DES: variants seen among roughly 807,000 people sequenced by gnomAD.
DES encodes cardiomyopathy, dilated 1F (autosomal dominant).
A neutral mutation model predicts 55.1 loss-of-function variants in DES; 34 were observed. The observed-to-expected ratio is 0.62, with a 90% CI of 0.47 to 0.82. The LOEUF (loss-of-function observed/expected upper bound fraction) is 0.82. Among genes scored for constraint, DES ranks in the 40% least tolerant of loss-of-function variants. The pLI, the probability that DES is intolerant of heterozygous loss-of-function variation, is 0.00. For synonymous variants in DES, 259 were observed against 270.8 expected, an observed-to-expected ratio of 0.96 and a Z score of 0.43; for missense variants, 596 against 645.9, an observed-to-expected ratio of 0.92 and a Z score of 0.84.
intron 6 of DES, among the ~76,000 whole-genome samples, chr2:219,422,623 C>G (rs1405310866): frequency 2.0e-5 from 3 of 152,016 alleles, no homozygotes; most frequent in Non-Finnish European, 4.4e-5. Context: ...TGCCAACACA[C>G]TCAGCTGATT....
chr2:219,425,236 A>G (rs1239940348), intron 7 of DES: 1 of 238,520 alleles, frequency 4.2e-6, no homozygotes, highest in Non-Finnish European at 8.4e-6. Context: ...AAGGTCCTCT[A>G]AAGAGTGTCT....
rs560055588 is a variant in DES, at chr2:219,426,188, G to A, written c.*198G>A. ...CCTGCCTGGTCACAGGGCATGCCCC[G>A]GCCACCTCTGCGGACCCCAGCTGTG... is the stretch of plus-strand genomic sequence containing the variant. On this transcript the variant is annotated 3_prime_UTR_variant, in exon 9 of 9. Transcript: ENST00000373960. The surrounding 1 kb of genome is among the most constrained non-coding windows in gnomAD (Gnocchi z 4.5). 416 of 695,184 alleles carry A rather than the reference G, an allele frequency of 6.0e-4. 5 individuals are homozygous for A. In the Middle Eastern group the frequency reaches 6.4e-3, roughly 11 times the overall value. The allele number at this position is 695,184 out of a possible 1,614,324, so 43.1% of individuals were successfully genotyped here.
rs751325263 is a variant in DES at position 219,425,697 on chromosome 2, T to C, written c.1323T>C (p.His441=). Residue 441 remains histidine (H), a synonymous_variant, in exon 8 of 9, where the codon CAT becomes CAC. Transcript: ENST00000373960. ...TSPEQRGSEV[H]TKKTVMIKTI... is the part of the protein sequence containing the mutation. ...CTGAGCAAAGGGGTTCTGAGGTCCA[T>C]ACCAAGAAGACGGTGATGATCAAGA... The C allele has an allele frequency of 1.3e-6, 2 of 1,595,412 alleles. No individual in the cohort carries two copies. Among genetic ancestry groups the C allele is most frequent in the South Asian group, 2.3e-5 (2 of 87,276 alleles).
chr2:219,426,071 G>A lies in DES; in HGVS notation c.*81G>A. The A allele has an allele frequency of 6.6e-7, 1 of 1,513,446 alleles. No homozygotes were observed. Among genetic ancestry groups the A allele is most frequent in the Non-Finnish European group, 9.1e-7 (1 of 1,095,610 alleles). 93.8% of individuals were successfully genotyped at this position (1,513,446 alleles called of 1,614,324 possible). A position where few individuals can be genotyped will look rare whatever the true frequency, so the allele number is the denominator to read the frequency against. ...TGAAGCCAGCCTTCTTCCATCCCAG[G>A]ACACCACACCCAGCCTCAGTCCTCC... On this transcript the variant is annotated 3_prime_UTR_variant, in exon 9 of 9. Coordinates refer to ENST00000373960, the MANE Select transcript of DES (RefSeq NM_001927.4). This position sits in a 1 kb window ranked among gnomAD's most constrained non-coding sequence, Gnocchi z 4.5.
chr2:219,424,048 T>G (rs1378419603), intron 7 of DES, among the ~76,000 whole-genome samples: 1 of 152,204 alleles, frequency 6.6e-6, no homozygotes, highest in Non-Finnish European at 1.5e-5. Flanking sequence ...TTGTATTGTA[T>G]TTACCATGTC....
Position 219,419,174 on chromosome 2 carries a change from G to A in DES, c.578+134G>A. The stretch of plus-strand genomic sequence containing the variant: ...CCCTCTCCTGCCCCATGTGGAGAAA[G>A]GGTCCTCCACCTGTGTGTTTCAAGG... On this transcript the variant is annotated intron_variant, in intron 1 of 8. Transcript: ENST00000373960. This position sits in a 1 kb window ranked among gnomAD's most constrained non-coding sequence, Gnocchi z 4.3. 1 of 1,487,694 alleles carries A rather than the reference G, an allele frequency of 6.7e-7. No homozygotes were observed. Among genetic ancestry groups the A allele is most frequent in the South Asian group, 1.3e-5 (1 of 79,756 alleles). The allele number at this position is 1,487,694 out of a possible 1,614,324, so 92.2% of individuals were successfully genotyped here.
chr2:219,425,339 A>C, intron 7 of DES: 4 of 381,872 alleles, frequency 1.0e-5, no homozygotes, highest in Admixed American at 3.7e-5. Context: ...GTGGAGAGGA[A>C]CTAGGAGGGA....
intron 7 of DES, chr2:219,425,455 T>C (rs1575016699): frequency 1.7e-6 from 1 of 593,804 alleles, no homozygotes; most frequent in South Asian, 1.9e-5. Flanking sequence ...ATCTAAACTA[T>C]GGGACAGGCG....
chr2:219,426,108 C>A lies in DES; in HGVS notation c.*118C>A. The A allele has an allele frequency of 8.6e-7, 1 of 1,164,756 alleles. No individual in the cohort carries two copies. Among genetic ancestry groups the A allele is most frequent in the Non-Finnish European group, 1.3e-6 (1 of 797,154 alleles). 72.2% of individuals were successfully genotyped at this position (1,164,756 alleles called of 1,614,324 possible). ...AGCCTCAGTCCTCCCCTCACAGCCT[C>A]TGACCCCTCCTCACTGGCCATCCCT... On this transcript the variant is annotated 3_prime_UTR_variant, in exon 9 of 9. Coordinates refer to ENST00000373960, the MANE Select transcript of DES (RefSeq NM_001927.4). This position sits in a 1 kb window ranked among gnomAD's most constrained non-coding sequence, Gnocchi z 4.5.
intron 6 of DES, among the ~76,000 whole-genome samples, chr2:219,423,166 A>T (rs977573032): frequency 6.6e-6 from 1 of 152,182 alleles, no homozygotes. Context: ...ACTAGTACCA[A>T]CTTCAGTGCC....
At position 219,418,844 on chromosome 2, in the gene DES, T is replaced by C; in HGVS notation, c.382T>C (p.Phe128Leu). The C allele has an allele frequency of 6.3e-7, 1 of 1,582,912 alleles. No homozygotes were observed. Among genetic ancestry groups the C allele is most frequent in the Non-Finnish European group, 8.6e-7 (1 of 1,164,522 alleles). ...CGCCAACTACATCGAGAAGGTGCGC[T>C]TCCTGGAGCAGCAGAACGCGGCGCT... Reference protein sequence around the residue: ...RFANYIEKVRFLEQQNAALAA... With the variant: ...RFANYIEKVRLLEQQNAALAA... The change falls in exon 1 of 9, where the codon TTC becomes CTC. Residue 128 changes from phenylalanine (F) to leucine (L), a missense_variant. Physicochemically the swap from Phe to Leu is conservative, Grantham distance 22 (BLOSUM62 0). Coordinates refer to ENST00000373960, the MANE Select transcript of DES (RefSeq NM_001927.4).
Position 219,419,970 on chromosome 2 carries a change from C to G in DES, c.579-125C>G. ...CCTCTCCACTCCCTGTCTCTCCTGCCTCTACCCAGCAGCCAGGCCCTCCCG... is the reference window on the plus strand; with the variant it reads ...CCTCTCCACTCCCTGTCTCTCCTGCGTCTACCCAGCAGCCAGGCCCTCCCG... On this transcript the variant is annotated intron_variant, in intron 1 of 8. Transcript: ENST00000373960. This position sits in a 1 kb window ranked among gnomAD's most constrained non-coding sequence, Gnocchi z 4.3. 1 of 1,006,894 alleles carries G rather than the reference C, an allele frequency of 9.9e-7. No individual in the cohort carries two copies. The highest frequency in any genetic ancestry group is 1.3e-5 in the South Asian group (1 of 75,194). 62.4% of individuals were successfully genotyped at this position (1,006,894 alleles called of 1,614,324 possible). A position where few individuals can be genotyped will look rare whatever the true frequency, so the allele number is the denominator to read the frequency against.
rs1047011845 is a variant in DES, at chr2:219,419,565, C to CT, written c.579-525dup. On this transcript the variant is annotated intron_variant, in intron 1 of 8. Coordinates refer to ENST00000373960, the MANE Select transcript of DES (RefSeq NM_001927.4). The surrounding 1 kb of genome is among the most constrained non-coding windows in gnomAD (Gnocchi z 4.3). ...CCCTGGGGCCTTGCCGAGACTGTGT[C>CT]TTTTTACAAGGTGAATGGACAGGCT... 6.6e-6 allele frequency among the ~76,000 whole-genome samples: 1 copy of CT among 152,108 alleles called. No homozygotes were observed. Among genetic ancestry groups the CT allele is most frequent in the African/African-American group, 2.4e-5 (1 of 41,434 alleles).
chr2:219,421,920 C>A (rs955212672), intron 6 of DES, among the ~76,000 whole-genome samples: 2 of 152,170 alleles, frequency 1.3e-5, no homozygotes, highest in African/African-American at 4.8e-5. Context: ...CCTACCTCAG[C>A]CTCCCAAAGT....
intron 8 of DES, 33 bp from the exon 9 acceptor site, chr2:219,425,916 A>G: frequency 1.9e-6 from 3 of 1,613,792 alleles, no homozygotes; most frequent in South Asian, 1.1e-5. Context: ...TCTGGCTAGC[A>G]CATGGTTGGA....
chr2:219,418,784 G>T lies in DES; in HGVS notation c.322G>T (p.Glu108Ter), dbSNP rs62636490. 14 of 1,566,156 alleles carry T rather than the reference G, an allele frequency of 8.9e-6. No homozygotes were observed. Among genetic ancestry groups the T allele is most frequent in the Non-Finnish European group, 1.2e-5 (14 of 1,154,742 alleles). Residue 108 changes from glutamate to a stop codon, truncating the protein, a stop_gained, in exon 1 of 9, where the codon GAG (glutamate) becomes TAG (stop). Coordinates refer to ENST00000373960, the MANE Select transcript of DES (RefSeq NM_001927.4). LOFTEE classifies it high-confidence loss of function. ...GGAGTTTCTGACCACGCGCACCAAC[G>T]AGAAGGTGGAGCTGCAGGAGCTCAA... ...NQEFLTTRTN[E>*]KVELQELNDR...
rs954744704 is a variant in DES, at chr2:219,419,485, T to C, written c.578+445T>C. 6.7e-6 allele frequency among the ~76,000 whole-genome samples: 1 copy of C among 148,322 alleles called. No homozygotes were observed. The highest frequency in any genetic ancestry group is 1.5e-5 in the Non-Finnish European group (1 of 67,414). ...AAGGGCCCAGAGTCCAAGCAACAGC[T>C]CTCAGCTCAGCTGTGATGAGGCCCT... On this transcript the variant is annotated intron_variant, in intron 1 of 8. Coordinates refer to ENST00000373960, the MANE Select transcript of DES (RefSeq NM_001927.4). The surrounding 1 kb of genome is among the most constrained non-coding windows in gnomAD (Gnocchi z 4.3).
In DES at chr2:219,418,747, C is replaced by T. The variant is rs562875165; in HGVS notation, c.285C>T (p.Asp95=). ...AGELLDFSLA[D]AVNQEFLTTR... is the part of the protein sequence containing the mutation. ...AGCTGCTGGACTTCTCACTGGCCGA[C>T]GCGGTGAACCAGGAGTTTCTGACCA... The change falls in exon 1 of 9, where the codon GAC becomes GAT. Residue 95 remains aspartate, a synonymous_variant. Transcript: ENST00000373960. The T allele has an allele frequency of 3.8e-6, 6 of 1,561,496 alleles. No homozygotes were observed. The highest frequency in any genetic ancestry group is 2.4e-5 in the South Asian group (2 of 85,048).
chr2:219,420,977 G>C lies in DES; in HGVS notation c.1023+24G>C. 1 of 1,610,630 alleles carries C rather than the reference G, an allele frequency of 6.2e-7. No individual in the cohort carries two copies. The highest frequency in any genetic ancestry group is 8.5e-7 in the Non-Finnish European group (1 of 1,178,880). On this transcript the variant is annotated intron_variant, in intron 5 of 8. Coordinates refer to ENST00000373960, the MANE Select transcript of DES (RefSeq NM_001927.4). This position sits in a 1 kb window ranked among gnomAD's most constrained non-coding sequence, Gnocchi z 6.0. ...CTGTGAGTCCCTGCCCACCTGGCCAGGCCCTGCCCCTTCCTGTCTGCAGTT... is the reference window on the plus strand; with the variant it reads ...CTGTGAGTCCCTGCCCACCTGGCCACGCCCTGCCCCTTCCTGTCTGCAGTT...
Sources: allele counts gnomAD v4.1 joint callset (sites outside exome capture counted in the v4.1 genomes callset), GRCh38; gene constraint gnomAD v4.1.1; non-coding constraint Gnocchi (gnomAD v3.1); transcripts MANE v1.5; gene names NCBI Gene and HGNC (gene_info 2026-07-23, HGNC 2026-07-21).